The following TMTC1 variants were observed in gnomAD, a reference collection of about 807,000 sequenced individuals.
The protein encoded by TMTC1 is protein O-mannosyl-transferase TMTC1.
In TMTC1, 73 loss-of-function variants were observed where a neutral mutation model predicts 104.8. That is an observed-to-expected ratio of 0.70 (90% CI 0.58 to 0.85). The LOEUF (loss-of-function observed/expected upper bound fraction) is 0.85, where lower values mean the gene tolerates loss of function less well. TMTC1 is among the 40% of genes least tolerant of loss of function. TMTC1 has a pLI of 0.00. For missense variants in TMTC1, 1,035 were observed against 1,096.1 expected, an observed-to-expected ratio of 0.94 and a Z score of 0.79; for synonymous variants, 434 against 428.7, an observed-to-expected ratio of 1.01 and a Z score of -0.15.
intron 5 of TMTC1, chr12:29,640,634 G>C (rs1389661694): frequency 6.6e-6 from 1 of 152,256 alleles, no homozygotes; most frequent in Non-Finnish European, 1.5e-5. Context: ...CTGGGAGCTC[G>C]CGGGCTCCCC....
At chr12:29,522,003 T>G (rs560734863) in intron 11 of TMTC1, among the ~76,000 whole-genome samples, 1 of 152,330 alleles carries the variant, frequency 6.6e-6, no homozygotes, top group East Asian at 1.9e-4. Flanking sequence ...AAATGTCATC[T>G]TTTCCTAGTA....
intron 5 of TMTC1, among the ~76,000 whole-genome samples, chr12:29,738,264 G>A (rs146710282): frequency 0.016 from 2,459 of 152,202 alleles, 25 homozygotes; most frequent in Middle Eastern, 0.044. Flanking sequence ...CCCTGAGCAC[G>A]CCACAGCTTC....
At chr12:29,643,691 T>TTA (rs370657092) in intron 5 of TMTC1, among the ~76,000 whole-genome samples, 736 of 2,184 alleles carry the variant, frequency 0.34, 300 homozygotes, top group South Asian at 0.79. Context: ...ATTATATATA[T>TTA]TATATATATT....
chr12:29,587,718 A>G (rs1946177432), intron 7 of TMTC1, among the ~76,000 whole-genome samples: 1 of 152,200 alleles, frequency 6.6e-6, no homozygotes, highest in Non-Finnish European at 1.5e-5. Flanking sequence ...TATCAGAAGT[A>G]TTAATACAGC....
chr12:29,521,042 G>C (rs78287376), intron 11 of TMTC1: 1 of 187,066 alleles, frequency 5.3e-6, no homozygotes, highest in South Asian at 1.5e-4. Flanking sequence ...ATAGTTGTTC[G>C]AATAGGATGC....
chr12:29,536,132 T>C (rs2136201246), intron 11 of TMTC1, 77 bp downstream of exon 11: 2 of 956,484 alleles, frequency 2.1e-6, no homozygotes, highest in East Asian at 2.4e-5. Flanking sequence ...ATTAAATCAT[T>C]AGTACAAAAA....
intron 5 of TMTC1, among the ~76,000 whole-genome samples, chr12:29,721,532 C>T (rs1304729514): frequency 6.6e-6 from 1 of 151,858 alleles, no homozygotes; most frequent in African/African-American, 2.4e-5. Context: ...AATAGCACCG[C>T]CTGAAAATAT....
chr12:29,597,229 C>T (rs1592292329), intron 7 of TMTC1, among the ~76,000 whole-genome samples: 12 of 134,938 alleles, frequency 8.9e-5, no homozygotes, highest in South Asian at 4.5e-4. Flanking sequence ...CTTTTTCTTT[C>T]TTTCTTTTCT....
intron 5 of TMTC1, among the ~76,000 whole-genome samples, chr12:29,716,159 C>T (rs561571376): frequency 6.6e-6 from 1 of 152,146 alleles, no homozygotes; most frequent in African/African-American, 2.4e-5. Flanking sequence ...GCTAAGAGCA[C>T]AGGTGCATAC....
intron 5 of TMTC1, among the ~76,000 whole-genome samples, chr12:29,728,998 C>CA (rs34267484): frequency 0.13 from 8,665 of 68,546 alleles, 522 homozygotes; most frequent in East Asian, 0.18. Context: ...ACTCCATCTC[C>CA]AAAAAAAAAA....
rs1337405218 is a variant in TMTC1 at position 29,755,667 on chromosome 12, C to T, written c.731+42G>A. ...AAACTATTAAGTAATTTTTCTCTGCCCATGACATGCCATTTGATATCAAAA... is the reference window on the plus strand; with the variant it reads ...AAACTATTAAGTAATTTTTCTCTGCTCATGACATGCCATTTGATATCAAAA... On this transcript the variant is annotated intron_variant, in intron 4 of 17. Coordinates refer to ENST00000539277, the MANE Select transcript of TMTC1 (RefSeq NM_001193451.2). 3.2e-6 allele frequency: 5 copies of T among 1,573,288 alleles called. No individual in the cohort carries two copies. The South Asian group carries it at 4.6e-5, about 14-fold the overall frequency.
Position 29,517,518 on chromosome 12 carries a change from T to C in TMTC1, c.2078A>G (p.Tyr693Cys), listed in dbSNP as rs749883484. The C allele has an allele frequency of 3.1e-6, 5 of 1,614,158 alleles. No homozygotes were observed. In the Admixed American group the frequency reaches 8.3e-5, roughly 27 times the overall value. The part of the protein sequence containing the change: ...AEILSPLGAL[Y>C]YNTGRYEEAL... ...CTCTTCGTATCGGCCAGTGTTGTAA[T>C]ACAGTGCTCCCAAAGGTGACAATAT... is the stretch of plus-strand genomic sequence containing the variant. Residue 693 changes from tyrosine to cysteine, a missense_variant, in exon 14 of 18, where the codon TAT becomes TGT. Transcript: ENST00000539277.
intron 5 of TMTC1, among the ~76,000 whole-genome samples, chr12:29,642,730 TC>T (rs902609976): frequency 6.6e-6 from 1 of 151,860 alleles, no homozygotes. Flanking sequence ...TCAAGACCAT[TC>T]TGGCTAACAT....
chr12:29,781,706 T>C (rs1018687252), intron 1 of TMTC1, among the ~76,000 whole-genome samples: 11 of 152,034 alleles, frequency 7.2e-5, no homozygotes, highest in Non-Finnish European at 1.5e-4. Flanking sequence ...CATGTGCCAG[T>C]AGTAGTTCCA....
intron 6 of TMTC1, among the ~76,000 whole-genome samples, chr12:29,616,961 TTATTCTC>T (rs905678346): frequency 7.9e-5 from 12 of 152,072 alleles, no homozygotes; most frequent in African/African-American, 2.9e-4. Flanking sequence ...TCTTATAACT[TTATTCTC>T]TATACTCTTA....
At chr12:29,523,177 T>C (rs748708260) in intron 11 of TMTC1, among the ~76,000 whole-genome samples, 2 of 152,172 alleles carry the variant, frequency 1.3e-5, no homozygotes, top group Admixed American at 6.5e-5. Flanking sequence ...ACGAACACCA[T>C]TGTTAAAAGA....
At chr12:29,604,826 T>C (rs1235539062) in intron 6 of TMTC1, among the ~76,000 whole-genome samples, 3 of 152,232 alleles carry the variant, frequency 2.0e-5, no homozygotes, top group Non-Finnish European at 2.9e-5. Flanking sequence ...GAGAGAATCA[T>C]TTGAATTGAA....
At chr12:29,549,786 G>T (rs916823009) in intron 10 of TMTC1, among the ~76,000 whole-genome samples, 8 of 152,134 alleles carry the variant, frequency 5.3e-5, no homozygotes, top group African/African-American at 1.9e-4. Context: ...GGGGAACAGA[G>T]GATGTATGCA....
intron 5 of TMTC1, among the ~76,000 whole-genome samples, chr12:29,731,307 C>A (rs1021126880): frequency 2.6e-5 from 4 of 152,180 alleles, no homozygotes; most frequent in African/African-American, 9.7e-5. Flanking sequence ...CAGATGTCTG[C>A]CACCATGCCC....
Sources: allele counts gnomAD v4.1 joint callset (sites outside exome capture counted in the v4.1 genomes callset), GRCh38; gene constraint gnomAD v4.1.1; transcripts MANE v1.5; gene names NCBI Gene and HGNC (gene_info 2026-07-23, HGNC 2026-07-21).